CDH12: variants seen among roughly 807,000 people sequenced by gnomAD.
CDH12 encodes the protein cadherin 12, also known as cadherin-12.
In CDH12, 41 loss-of-function variants were observed where a neutral mutation model predicts 74.1. That is an observed-to-expected ratio of 0.55 (90% CI 0.43 to 0.72). CDH12 has a LOEUF of 0.72. Ranked by LOEUF, CDH12 falls within the 30% of genes least tolerant of loss-of-function variation. The probability of loss-of-function intolerance (pLI) is 0.00; values close to 1 mark genes in which losing one functional copy is unlikely to be tolerated. For missense variants in CDH12, 945 were observed against 977.2 expected, an observed-to-expected ratio of 0.97 and a Z score of 0.44; for synonymous variants, 399 against 355.0, an observed-to-expected ratio of 1.12 and a Z score of -1.39.
chr5:22,270,604 A>ATATAT (rs202100279), intron 3 of CDH12, among the ~76,000 whole-genome samples: 3 of 145,268 alleles, frequency 2.1e-5, no homozygotes, highest in South Asian at 4.4e-4. Flanking sequence ...CAAAAAAAAA[A>ATATAT]ATATATATAT....
intron 6 of CDH12, among the ~76,000 whole-genome samples, chr5:21,915,822 C>CTGTGTGTGTGTG (rs36126825): frequency 1.0e-3 from 142 of 140,122 alleles, no homozygotes; most frequent in African/African-American, 1.6e-3. Context: ...ATCATTTGTG[C>CTGTGTGTGTGTG]TGTGTGTGTG....
At chr5:22,328,451 T>A (rs1278968045) in intron 3 of CDH12, among the ~76,000 whole-genome samples, 1 of 152,200 alleles carries the variant, frequency 6.6e-6, no homozygotes, top group African/African-American at 2.4e-5. Flanking sequence ...GAGCCATACA[T>A]CTAGTTATTA....
intron 3 of CDH12, among the ~76,000 whole-genome samples, chr5:22,252,792 T>C (rs1304481012): frequency 6.6e-6 from 1 of 152,016 alleles, no homozygotes; most frequent in East Asian, 1.9e-4. Flanking sequence ...TTCCGATCTA[T>C]GAAGCCTTAG....
At chr5:22,390,414 T>C (rs1454044097) in intron 3 of CDH12, among the ~76,000 whole-genome samples, 1 of 152,158 alleles carries the variant, frequency 6.6e-6, no homozygotes, top group Non-Finnish European at 1.5e-5. Context: ...GCTTCTTTCA[T>C]ATAAATTTTA....
intron 1 of CDH12, among the ~76,000 whole-genome samples, chr5:22,666,279 TATC>T (rs1284892926): frequency 8.1e-5 from 11 of 135,536 alleles, no homozygotes; most frequent in African/African-American, 2.5e-4. Flanking sequence ...TGTATCTCTC[TATC>T]TTTTTTTTTT....
chr5:21,966,165 T>G (rs1756574305), intron 6 of CDH12, among the ~76,000 whole-genome samples: 2 of 151,442 alleles, frequency 1.3e-5, no homozygotes, highest in Admixed American at 6.6e-5. Flanking sequence ...TACGTTTTTT[T>G]TTTTTTTTTT....
Position 21,998,060 on chromosome 5 carries a change from G to A in CDH12, c.232-22675C>T, listed in dbSNP as rs537105218. Among the ~76,000 whole-genome samples, 369 of 152,114 alleles carry A rather than the reference G, an allele frequency of 2.4e-3. 2 individuals are homozygous for A. Among genetic ancestry groups the A allele is most frequent in the African/African-American group, 8.4e-3 (349 of 41,540 alleles). On this transcript the variant is annotated intron_variant, in intron 5 of 14. Transcript: ENST00000382254. ...ATCAGATGGTTTAAGGCTACAACAC[G>A]AGGCCAATATCTGTATGTGAAGGAG...
At chr5:22,732,855 A>T (rs1744503601) in intron 1 of CDH12, among the ~76,000 whole-genome samples, 1 of 152,026 alleles carries the variant, frequency 6.6e-6, no homozygotes, top group Middle Eastern at 3.4e-3. Flanking sequence ...GAGACAATAA[A>T]TGTCCATTGC....
intron 3 of CDH12, among the ~76,000 whole-genome samples, chr5:22,336,856 G>C (rs1030092968): frequency 3.3e-5 from 5 of 152,308 alleles, no homozygotes; most frequent in African/African-American, 1.2e-4. Context: ...TATGAGAAGA[G>C]AGCCACAACC....
chr5:22,092,262 C>T (rs6864392), intron 4 of CDH12, among the ~76,000 whole-genome samples: 46,943 of 151,690 alleles, frequency 0.31, 8,291 homozygotes, highest in African/African-American at 0.49. Flanking sequence ...AAGATAAAGA[C>T]AAGCTGGACT....
At chr5:22,153,875 T>TAC (rs1179543476) in intron 4 of CDH12, among the ~76,000 whole-genome samples, 4 of 56,578 alleles carry the variant, frequency 7.1e-5, no homozygotes, top group Admixed American at 5.6e-4. Flanking sequence ...TATATATGTA[T>TAC]ATATATATAT....
chr5:21,890,970 G>A (rs1350868142), intron 6 of CDH12, among the ~76,000 whole-genome samples: 2 of 152,050 alleles, frequency 1.3e-5, no homozygotes, highest in African/African-American at 2.4e-5. Flanking sequence ...GTTATCCAAA[G>A]TATATAAACC....
At chr5:22,152,365 C>T (rs572155888) in intron 4 of CDH12, 1 of 152,066 alleles carries the variant, frequency 6.6e-6, no homozygotes, top group Non-Finnish European at 1.5e-5. Flanking sequence ...GATAATTTAT[C>T]TCTGTTTTAT....
chr5:22,123,989 A>T (rs955279287), intron 4 of CDH12, among the ~76,000 whole-genome samples: 2 of 150,434 alleles, frequency 1.3e-5, no homozygotes, highest in Non-Finnish European at 3.0e-5. Context: ...TTTTTCTGGG[A>T]TGGAGTCTCG....
chr5:22,825,726 G>T (rs540487563), intron 1 of CDH12, among the ~76,000 whole-genome samples: 5 of 152,292 alleles, frequency 3.3e-5, no homozygotes, highest in Non-Finnish European at 7.4e-5. Flanking sequence ...AGAATGCAAT[G>T]TGAAGCCACT....
At chr5:22,779,074 G>GTTTATT (rs1365227823) in intron 1 of CDH12, among the ~76,000 whole-genome samples, 3 of 151,992 alleles carry the variant, frequency 2.0e-5, no homozygotes, top group Admixed American at 6.6e-5. Flanking sequence ...TTCATTTTCT[G>GTTTATT]TTTATTTTTA....
In CDH12 at chr5:22,146,772, G is replaced by A. The variant is rs538359367; in HGVS notation, c.-187+65726C>T. Among the ~76,000 whole-genome samples, 61 of 152,092 alleles carry A rather than the reference G, an allele frequency of 4.0e-4. No individual in the cohort carries two copies. In the Middle Eastern group the frequency reaches 0.014, roughly 34 times the overall value. On this transcript the variant is annotated intron_variant, in intron 4 of 14. Coordinates refer to ENST00000382254, the MANE Select transcript of CDH12 (RefSeq NM_004061.5). ...GAAAAAATAAATCATATATAAACTC[G>A]GGAAGCTTGGGTTTTCTCTTAAAGT...
intron 6 of CDH12, among the ~76,000 whole-genome samples, chr5:21,885,195 C>T (rs921523647): frequency 1.2e-4 from 19 of 152,254 alleles, no homozygotes; most frequent in East Asian, 3.9e-4. Context: ...GCAAAAGGCC[C>T]TGTTTTAAGC....
At chr5:22,699,286 T>C (rs1324019049) in intron 1 of CDH12, among the ~76,000 whole-genome samples, 1 of 151,410 alleles carries the variant, frequency 6.6e-6, no homozygotes, top group Non-Finnish European at 1.5e-5. Context: ...ACTTAAAATA[T>C]AGGTTCATAT....
Sources: gnomAD v4.1 joint callset for allele counts (sites outside exome capture counted in the v4.1 genomes callset) on GRCh38, gnomAD v4.1.1 for gene constraint, MANE v1.5 for transcripts, NCBI Gene and HGNC (gene_info 2026-07-23, HGNC 2026-07-21) for gene names.